SLC26A5: variants seen among roughly 807,000 people sequenced by gnomAD.
SLC26A5 encodes solute carrier family 26 member 5.
A neutral mutation model predicts 81.0 loss-of-function variants in SLC26A5; 51 were observed. That is an observed-to-expected ratio of 0.63 (90% CI 0.50 to 0.80). The LOEUF is 0.80. SLC26A5 is among the 30% of genes least tolerant of loss of function. The probability of loss-of-function intolerance (pLI) is 0.00; values close to 1 mark genes in which losing one functional copy is unlikely to be tolerated. For missense variants in SLC26A5, 771 were observed against 905.8 expected (o/e 0.85, Z 1.91); for synonymous variants, 325 against 332.8 (o/e 0.98, Z 0.25).
intron 17 of SLC26A5, 131 bp downstream of exon 17, chr7:103,378,315 G>T: frequency 1.2e-6 from 1 of 834,426 alleles, no homozygotes; most frequent in Non-Finnish European, 2.0e-6. Context: ...AAATATAGAG[G>T]ATACTAAGGT....
At chr7:103,435,206 T>C (rs1004541507) in intron 2 of SLC26A5, 3 of 152,216 alleles carry the variant, frequency 2.0e-5, no homozygotes, top group Non-Finnish European at 4.4e-5. Context: ...CACGCTTTTG[T>C]TGTGTGGAAA....
intron 14 of SLC26A5, among the ~76,000 whole-genome samples, chr7:103,384,417 C>A (rs1160266979): frequency 6.6e-6 from 1 of 151,952 alleles, no homozygotes; most frequent in African/African-American, 2.4e-5. Context: ...TCAAGACCAG[C>A]CTGGCCAAGA....
intron 14 of SLC26A5, among the ~76,000 whole-genome samples, chr7:103,383,992 A>T (rs1347794271): frequency 6.6e-6 from 1 of 151,692 alleles, no homozygotes; most frequent in African/African-American, 2.4e-5. Context: ...AAATTTAAAA[A>T]TTAGCCAGGT....
In SLC26A5 at chr7:103,401,767, G is replaced by C. The variant is rs146467054; in HGVS notation, c.889-3753C>G. Among the ~76,000 whole-genome samples the C allele has an allele frequency of 1.2e-3, 179 of 152,250 alleles. No individual in the cohort carries two copies. In the Middle Eastern group the frequency reaches 0.014, roughly 12 times the overall value. On this transcript the variant is annotated intron_variant, in intron 8 of 19. Coordinates refer to ENST00000306312, the MANE Select transcript of SLC26A5 (RefSeq NM_198999.3). Reference sequence around the variant, plus strand: ...TCATTTGAGAGTTTTTAGCTTGAAGGGCTGTTGAATTTCCTTGAAGGCCTT... The same window carrying C: ...TCATTTGAGAGTTTTTAGCTTGAAGCGCTGTTGAATTTCCTTGAAGGCCTT...
chr7:103,365,551 C>T (rs942784496), intron 19 of SLC26A5, among the ~76,000 whole-genome samples: 5 of 152,184 alleles, frequency 3.3e-5, no homozygotes, highest in African/African-American at 4.8e-5. Context: ...ATCGCTTGAA[C>T]CCAGAAGGCG....
rs958686465 is a variant in SLC26A5, at chr7:103,355,601, C to T, written c.2042-2675G>A. The T allele has an allele frequency of 3.3e-6, 3 of 911,180 alleles. No individual in the cohort carries two copies. The African/African-American group carries it at 4.9e-5, about 15-fold the overall frequency. The allele number at this position is 911,180 out of a possible 1,614,324, so 56.4% of individuals were successfully genotyped here. On this transcript the variant is annotated intron_variant, in intron 19 of 19. Coordinates refer to the SLC26A5 transcript ENST00000339444. Reference sequence around the variant, plus strand: ...ATGATAGTCCTCACAATGAATGATTCAGTGCAAAATATCAGTAGTGCTGAG... The same window carrying T: ...ATGATAGTCCTCACAATGAATGATTTAGTGCAAAATATCAGTAGTGCTGAG...
At chr7:103,387,904 G>T (rs1822322347) in intron 14 of SLC26A5, among the ~76,000 whole-genome samples, 1 of 151,878 alleles carries the variant, frequency 6.6e-6, no homozygotes, top group African/African-American at 2.4e-5. Context: ...GGCTGCTCTT[G>T]AACTCCTGAC....
At chr7:103,363,337 C>T (rs771360478) in intron 19 of SLC26A5, 4 of 1,607,010 alleles carry the variant, frequency 2.5e-6, no homozygotes, top group Admixed American at 1.7e-5. Flanking sequence ...TTCTGTCCCT[C>T]TCTTAGGTGG....
intron 19 of SLC26A5, chr7:103,362,295 G>A: frequency 2.2e-6 from 3 of 1,393,534 alleles, no homozygotes; most frequent in Non-Finnish European, 2.8e-6. Context: ...TCCCACTGTT[G>A]TTTATTATGA....
In SLC26A5 at chr7:103,424,385, C is replaced by T. The variant is rs2906636; in HGVS notation, c.-53-2818G>A. Among the ~76,000 whole-genome samples, 781 of 152,274 alleles carry T rather than the reference C, an allele frequency of 5.1e-3. 9 individuals carry two copies. The highest frequency in any genetic ancestry group is 0.017 in the African/African-American group (708 of 41,554). On this transcript the variant is annotated intron_variant, in intron 2 of 19. Transcript: ENST00000306312. The stretch of plus-strand genomic sequence containing the variant: ...TTGAGACAATATCATACTCTGAATT[C>T]CCAGGACCTAGCTCAGTACTTGTAT...
intron 14 of SLC26A5, among the ~76,000 whole-genome samples, chr7:103,387,276 A>G (rs1336943923): frequency 1.3e-5 from 2 of 152,188 alleles, no homozygotes; most frequent in Non-Finnish European, 2.9e-5. Context: ...GTCATTTGTG[A>G]TGATGAAAAT....
At chr7:103,397,345 T>C (rs1368576596) in intron 9 of SLC26A5, among the ~76,000 whole-genome samples, 1 of 151,300 alleles carries the variant, frequency 6.6e-6, no homozygotes, top group Non-Finnish European at 1.5e-5. Context: ...ATTGAGACCA[T>C]CCTGGCTAAC....
chr7:103,412,542 GT>G (rs1244758241), intron 5 of SLC26A5, among the ~76,000 whole-genome samples: 9 of 121,642 alleles, frequency 7.4e-5, no homozygotes, highest in Middle Eastern at 4.2e-3. Flanking sequence ...GAGGAGTGTA[GT>G]TTTTTTTTTG....
At chr7:103,433,125 C>T (rs1157336184) in intron 2 of SLC26A5, among the ~76,000 whole-genome samples, 1 of 152,084 alleles carries the variant, frequency 6.6e-6, no homozygotes, top group Non-Finnish European at 1.5e-5. Flanking sequence ...CAGGCTTATC[C>T]AGTGTTTCAA....
At position 103,421,471 on chromosome 7, in the gene SLC26A5, C is replaced by G; in HGVS notation, c.44G>C (p.Arg15Thr). The change falls in exon 3 of 20, where the codon AGG becomes ACG. Residue 15 changes from arginine (R) to threonine (T), a missense_variant. Physicochemically the swap from Arg to Thr is moderately conservative, Grantham distance 71. Transcript: ENST00000306312. ...EENEILAATQ[R>T]YYVERPIFSH... ...AAAGATAGGCCTTTCCACATAGTACCTCTGGGTTGCTGCAAGGATTTCATT... is the reference window on the plus strand; with the variant it reads ...AAAGATAGGCCTTTCCACATAGTACGTCTGGGTTGCTGCAAGGATTTCATT... The G allele has an allele frequency of 6.2e-7, 1 of 1,614,034 alleles. No homozygotes were observed. Among genetic ancestry groups the G allele is most frequent in the Non-Finnish European group, 8.5e-7 (1 of 1,179,962 alleles).
intron 4 of SLC26A5, among the ~76,000 whole-genome samples, chr7:103,419,322 A>G (rs1167314646): frequency 6.6e-6 from 1 of 152,152 alleles, no homozygotes; most frequent in Non-Finnish European, 1.5e-5. Context: ...AAAATGGCCT[A>G]AGAAGACTCT....
At chr7:103,398,576 CTTT>C (rs1042151627) in intron 8 of SLC26A5, among the ~76,000 whole-genome samples, 5 of 152,162 alleles carry the variant, frequency 3.3e-5, no homozygotes, top group Non-Finnish European at 7.4e-5. Flanking sequence ...CAGAGGGTCA[CTTT>C]ACATACGCCC....
intron 1 of SLC26A5, chr7:103,445,106 T>C (rs907746577): frequency 5.3e-5 from 8 of 152,170 alleles, no homozygotes; most frequent in Admixed American, 2.0e-4. Context: ...AGTTGATATT[T>C]TTTGTTGTTT....
At chr7:103,410,036 T>G (rs1824362461) in intron 7 of SLC26A5, among the ~76,000 whole-genome samples, 1 of 152,174 alleles carries the variant, frequency 6.6e-6, no homozygotes, top group African/African-American at 2.4e-5. Context: ...AGAGAAATGT[T>G]CTACCTTCAT....
Sources: gnomAD v4.1 joint callset for allele counts (sites outside exome capture counted in the v4.1 genomes callset) on GRCh38, gnomAD v4.1.1 for gene constraint, MANE v1.5 for transcripts, NCBI Gene and HGNC (gene_info 2026-07-23, HGNC 2026-07-21) for gene names.